METTL24: variants seen among roughly 807,000 people sequenced by gnomAD.
The protein encoded by METTL24 is probable methyltransferase-like protein 24.
Under a neutral mutation model 32.7 loss-of-function variants are expected in METTL24, and 29 were observed. The ratio of observed to expected loss-of-function variants is 0.89; its 90% CI spans 0.66 to 1.21. The LOEUF is 1.21. Ranked by LOEUF, METTL24 falls within the 50% of genes most tolerant of loss-of-function variation. The probability of loss-of-function intolerance (pLI) is 0.00; values close to 1 mark genes in which losing one functional copy is unlikely to be tolerated. For synonymous variants in METTL24, 163 were observed against 179.5 expected (o/e 0.91, Z 0.73); for missense variants, 439 against 468.1 (o/e 0.94, Z 0.57).
intron 4 of METTL24, among the ~76,000 whole-genome samples, chr6:110,251,865 C>G (rs538441141): frequency 1.3e-4 from 20 of 152,286 alleles, no homozygotes; most frequent in African/African-American, 4.8e-4. Flanking sequence ...TTCATTGGGC[C>G]AGGTGCAGTA....
chr6:110,343,299 G>T (rs1280612918), intron 1 of METTL24, among the ~76,000 whole-genome samples: 1 of 152,196 alleles, frequency 6.6e-6, no homozygotes, highest in Non-Finnish European at 1.5e-5. Flanking sequence ...CCATAACACA[G>T]CAGTAGCCAT....
At chr6:110,289,309 C>G (rs76428742) in intron 4 of METTL24, among the ~76,000 whole-genome samples, 3,903 of 152,138 alleles carry the variant, frequency 0.026, 193 homozygotes, top group African/African-American at 0.089. Flanking sequence ...AAAAATCTGA[C>G]AAAAGTTTAA....
chr6:110,315,832 T>G (rs116110913), intron 2 of METTL24, among the ~76,000 whole-genome samples: 1 of 152,190 alleles, frequency 6.6e-6, no homozygotes, highest in African/African-American at 2.4e-5. Context: ...TCCTGGAGGA[T>G]GAACCGAGAG....
chr6:110,339,271 C>T (rs183366272), intron 1 of METTL24, among the ~76,000 whole-genome samples: 403 of 152,280 alleles, frequency 2.6e-3, no homozygotes, highest in Non-Finnish European at 4.4e-3. Flanking sequence ...TTCATTCTCC[C>T]GCTAGGAGTC....
intron 4 of METTL24, among the ~76,000 whole-genome samples, chr6:110,246,657 G>A (rs1360313422): frequency 1.3e-5 from 2 of 152,158 alleles, no homozygotes; most frequent in Non-Finnish European, 2.9e-5. Context: ...CAGTGGGAAT[G>A]GATATCTGAG....
chr6:110,277,786 T>C (rs941113950), intron 4 of METTL24, among the ~76,000 whole-genome samples: 1 of 152,110 alleles, frequency 6.6e-6, no homozygotes, highest in South Asian at 2.1e-4. Flanking sequence ...AACCAATTTG[T>C]TTAGATTACA....
At chr6:110,328,954 G>A (rs1398893641) in intron 1 of METTL24, among the ~76,000 whole-genome samples, 4 of 152,132 alleles carry the variant, frequency 2.6e-5, no homozygotes, top group Non-Finnish European at 5.9e-5. Flanking sequence ...AAAAAATGGT[G>A]CCACCATCAG....
At chr6:110,318,270 T>C (rs989471722) in intron 2 of METTL24, among the ~76,000 whole-genome samples, 3 of 152,214 alleles carry the variant, frequency 2.0e-5, no homozygotes, top group African/African-American at 7.2e-5. Context: ...GATTTCATCT[T>C]GGACAGATAT....
intron 1 of METTL24, among the ~76,000 whole-genome samples, chr6:110,327,061 C>A (rs116215150): frequency 0.014 from 2,106 of 152,270 alleles, 48 homozygotes; most frequent in African/African-American, 0.049. Context: ...GCTGTGTAAA[C>A]CAATAAATGC....
In METTL24 at chr6:110,357,955, C is replaced by T. The variant is rs199550919; in HGVS notation, c.318G>A (p.Lys106=). 3.5e-3 allele frequency: 4,229 copies of T among 1,200,372 alleles called. 10 individuals are homozygous for T. The highest frequency in any genetic ancestry group is 4.1e-3 in the Non-Finnish European group (3,915 of 965,686). The allele number at this position is 1,200,372 out of a possible 1,614,324, so 74.4% of individuals were successfully genotyped here. Residue 106 remains lysine, a splice_region_variant and synonymous_variant, in exon 1 of 5, where the codon AAG becomes AAA. Transcript: ENST00000338882. The stretch of plus-strand genomic sequence containing the variant: ...CAAGACCGACCGCTTTGCAACTGAC[C>T]TTCCGGCGGGGGCGCCCGCGCGGGG... ...CCAPRGRPRR[K]GPRWHIDLQP...
At chr6:110,268,563 C>T (rs1220414748) in intron 4 of METTL24, among the ~76,000 whole-genome samples, 1 of 152,150 alleles carries the variant, frequency 6.6e-6, no homozygotes, top group Non-Finnish European at 1.5e-5. Context: ...CGGCAGAAAT[C>T]CAGCCTGGCT....
intron 4 of METTL24, among the ~76,000 whole-genome samples, chr6:110,257,947 C>T (rs1778417011): frequency 6.6e-6 from 1 of 152,184 alleles, no homozygotes; most frequent in South Asian, 2.1e-4. Flanking sequence ...TATGTCTGTG[C>T]ACATAAGCAC....
At chr6:110,327,514 G>A (rs1328267671) in intron 1 of METTL24, among the ~76,000 whole-genome samples, 4 of 152,130 alleles carry the variant, frequency 2.6e-5, no homozygotes, top group South Asian at 2.1e-4. Flanking sequence ...TAGAAACACC[G>A]CAAATAGATG....
intron 1 of METTL24, among the ~76,000 whole-genome samples, chr6:110,344,300 C>G (rs1421587887): frequency 1.3e-5 from 2 of 152,132 alleles, no homozygotes; most frequent in Non-Finnish European, 1.5e-5. Flanking sequence ...GAAAAAAACT[C>G]TAGCACGAGA....
chr6:110,347,837 C>A (rs1302848218), intron 1 of METTL24, among the ~76,000 whole-genome samples: 2 of 152,204 alleles, frequency 1.3e-5, no homozygotes, highest in South Asian at 2.1e-4. Flanking sequence ...AAGCCTCAAC[C>A]AATTTCATAA....
At chr6:110,349,479 C>A (rs1772550929) in intron 1 of METTL24, among the ~76,000 whole-genome samples, 1 of 152,238 alleles carries the variant, frequency 6.6e-6, no homozygotes, top group African/African-American at 2.4e-5. Flanking sequence ...AAATAAACCT[C>A]TGCTAGCATG....
chr6:110,335,566 G>GTTTT (rs527344096), intron 1 of METTL24, among the ~76,000 whole-genome samples: 1 of 66,110 alleles, frequency 1.5e-5, no homozygotes, highest in Non-Finnish European at 3.1e-5. Flanking sequence ...GGGAATCATT[G>GTTTT]TTTTTTTTTT....
At position 110,303,467 on chromosome 6, in the gene METTL24, A is replaced by G. The variant is rs541697220; in HGVS notation, c.558-4317T>C. Among the ~76,000 whole-genome samples, 6 of 152,242 alleles carry G rather than the reference A, an allele frequency of 3.9e-5. No homozygotes were observed. The South Asian group carries it at 6.2e-4, about 16-fold the overall frequency. ...GTCTGAAGTTGACCTGGGATGCTCA[A>G]GCTTGGTGTGGGGAGGGGCGTCTGC... is the stretch of plus-strand genomic sequence containing the variant. On this transcript the variant is annotated intron_variant, in intron 3 of 4. Coordinates refer to ENST00000338882, the MANE Select transcript of METTL24 (RefSeq NM_001123364.3).
intron 1 of METTL24, among the ~76,000 whole-genome samples, chr6:110,324,454 C>T (rs1451345807): frequency 6.6e-6 from 1 of 152,222 alleles, no homozygotes; most frequent in East Asian, 1.9e-4. Flanking sequence ...TAATGCTCTG[C>T]TGATGCTGTC....
Sources: allele counts gnomAD v4.1 joint callset (sites outside exome capture counted in the v4.1 genomes callset), GRCh38; gene constraint gnomAD v4.1.1; transcripts MANE v1.5; gene names NCBI Gene and HGNC (gene_info 2026-07-23, HGNC 2026-07-21).